Variants in REV3L observed in about 807,000 individuals in gnomAD.
The protein encoded by REV3L is DNA polymerase zeta catalytic subunit.
In REV3L, 69 loss-of-function variants were observed where a neutral mutation model predicts 299.4. The observed-to-expected ratio is 0.23, with a 90% confidence interval of 0.19 to 0.28. REV3L has a LOEUF of 0.28. Ranked by LOEUF, REV3L falls within the 10% of genes least tolerant of loss-of-function variation. The probability of loss-of-function intolerance (pLI) is 1.00; values close to 1 mark genes in which losing one functional copy is unlikely to be tolerated. For synonymous variants in REV3L, 1,238 were observed against 1,271.4 expected (o/e 0.97, Z 0.56); for missense variants, 3,128 against 3,693.8 (o/e 0.85, Z 3.97).
At chr6:111,307,303 A>G (rs772189972) in intron 31 of REV3L, 58 bp downstream of exon 31, 321 of 1,429,692 alleles carry the variant, frequency 2.2e-4, no homozygotes, top group Middle Eastern at 7.4e-4. Flanking sequence ...AAGAGTGACT[A>G]TATCTTCCTG....
At chr6:111,369,527 T>C (rs77549436) in intron 13 of REV3L, among the ~76,000 whole-genome samples, 2 of 151,892 alleles carry the variant, frequency 1.3e-5, no homozygotes, top group East Asian at 1.9e-4. Context: ...ATAATATCTA[T>C]AGTGGCAAAA....
chr6:111,311,216 A>G lies in REV3L; in HGVS notation c.8648T>C (p.Ile2883Thr), dbSNP rs1433823897. 1.4e-5 allele frequency: 23 copies of G among 1,612,286 alleles called. No individual in the cohort carries two copies. Among genetic ancestry groups the G allele is most frequent in the Non-Finnish European group, 1.8e-5 (21 of 1,179,282 alleles). Residue 2883 changes from isoleucine (I) to threonine (T), a missense_variant, in exon 29 of 32, where the codon ATA (isoleucine) becomes ACA (threonine). Ile to Thr is a moderately conservative substitution (Grantham distance 89). Around this residue, in one of 9 missense-constraint regions of REV3L, gnomAD observed 294 missense variants for 377.0 expected, o/e 0.78. Transcript: ENST00000368802. The part of the protein sequence containing the change: ...SLKLLFETRD[I>T]SLIKQYVQRQ... Reference sequence around the variant, plus strand: ...CTGAACATACTGTTTAATTAGACTTATATCTCTCGTTTCAAATAGCAGCTT... The same window carrying G: ...CTGAACATACTGTTTAATTAGACTTGTATCTCTCGTTTCAAATAGCAGCTT...
intron 2 of REV3L, among the ~76,000 whole-genome samples, chr6:111,415,407 C>T (rs562003090): frequency 2.0e-5 from 3 of 152,198 alleles, no homozygotes; most frequent in African/African-American, 4.8e-5. Context: ...GTAAGAGTAG[C>T]CTATGGAAAG....
intron 1 of REV3L, among the ~76,000 whole-genome samples, chr6:111,462,956 C>T (rs906144457): frequency 6.6e-6 from 1 of 151,776 alleles, no homozygotes. Context: ...CATTGCAATT[C>T]GGGGGCTAGT....
At position 111,344,138 on chromosome 6, in the gene REV3L, AG is replaced by A. The variant is rs1292626182; in HGVS notation, c.7420-96del. On this transcript the variant is annotated intron_variant, in intron 20 of 31. Transcript: ENST00000368802. ...ACCAATATCACTTTAAACTTTTCAT[AG>A]TAGATATTAAAGCTACTTGTAAAAC... 5.5e-6 allele frequency: 4 copies of A among 732,558 alleles called. No individual in the cohort carries two copies. The East Asian group carries it at 1.1e-4, about 20-fold the overall frequency. The allele number at this position is 732,558 out of a possible 1,614,324, so 45.4% of individuals were successfully genotyped here. A position where few individuals can be genotyped will look rare whatever the true frequency, so the allele number is the denominator to read the frequency against.
At chr6:111,382,877 G>A (rs1487060215) in intron 9 of REV3L, among the ~76,000 whole-genome samples, 1 of 152,266 alleles carries the variant, frequency 6.6e-6, no homozygotes, top group African/African-American at 2.4e-5. Flanking sequence ...AGGAAGGAGT[G>A]AAGAGAACTT....
chr6:111,469,778 C>T (rs1351511054), intron 1 of REV3L, among the ~76,000 whole-genome samples: 1 of 152,226 alleles, frequency 6.6e-6, no homozygotes, highest in African/African-American at 2.4e-5. Context: ...ACTGCAGCCA[C>T]ATCCGCAAGG....
chr6:111,412,386 T>G (rs1388335033), intron 2 of REV3L: 2 of 367,270 alleles, frequency 5.4e-6, no homozygotes, highest in African/African-American at 4.4e-5. Flanking sequence ...TCACATCATT[T>G]CAGGAGGATC....
At chr6:111,480,315 A>G (rs1386413860) in intron 1 of REV3L, among the ~76,000 whole-genome samples, 1 of 152,238 alleles carries the variant, frequency 6.6e-6, no homozygotes, top group African/African-American at 2.4e-5. Context: ...AACCATGTTT[A>G]TATCTTTGCA....
chr6:111,435,665 A>G (rs1464379425), intron 1 of REV3L, among the ~76,000 whole-genome samples: 1 of 152,248 alleles, frequency 6.6e-6, no homozygotes, highest in Non-Finnish European at 1.5e-5. Context: ...TACAAAAGTC[A>G]AAATGGATTG....
chr6:111,483,291 GGGGCTCGGCGGGAAAAGGAGCGAGA>G (rs1794004858), upstream of REV3L: 2 of 487,832 alleles, frequency 4.1e-6, no homozygotes, highest in Non-Finnish European at 7.2e-6. Context: ...TGCGGGGGAG[GGGGCTCGGCGGGAAAAGGAGCGAGA>G]GGGCGGGCGC....
At chr6:111,394,309 T>C (rs1208863490) in intron 4 of REV3L, among the ~76,000 whole-genome samples, 3 of 152,120 alleles carry the variant, frequency 2.0e-5, no homozygotes, top group African/African-American at 4.8e-5. Context: ...TTTGTTGGTG[T>C]CTTTTCCGTA....
chr6:111,450,348 G>A lies in REV3L; in HGVS notation c.139+32402C>T, dbSNP rs535898305. Among the ~76,000 whole-genome samples the A allele has an allele frequency of 2.6e-5, 4 of 151,900 alleles. No homozygotes were observed. In the South Asian group the frequency reaches 8.3e-4, roughly 32 times the overall value. On this transcript the variant is annotated intron_variant, in intron 1 of 31. Coordinates refer to ENST00000368802, the MANE Select transcript of REV3L (RefSeq NM_001372078.1). The stretch of plus-strand genomic sequence containing the variant: ...TAAAAAATTAGCCAGGCACGGTGAT[G>A]CGCACCTGTTGTTCCAGCTATTCAG...
intron 25 of REV3L, 136 bp downstream of exon 25, chr6:111,329,396 G>C: frequency 1.4e-6 from 1 of 715,784 alleles, no homozygotes; most frequent in South Asian, 1.6e-5. Flanking sequence ...ATGTTGTCCA[G>C]GCAGGATTCA....
intron 1 of REV3L, among the ~76,000 whole-genome samples, chr6:111,434,714 A>T (rs2128302204): frequency 6.6e-6 from 1 of 152,280 alleles, no homozygotes; most frequent in Non-Finnish European, 1.5e-5. Flanking sequence ...AACAGCAAAC[A>T]ATCTGAAAAA....
At chr6:111,419,529 T>C (rs959233887) in intron 1 of REV3L, among the ~76,000 whole-genome samples, 2 of 152,196 alleles carry the variant, frequency 1.3e-5, no homozygotes, top group African/African-American at 4.8e-5. Context: ...GTAAAGTCTT[T>C]AGAGATAAAC....
intron 13 of REV3L, among the ~76,000 whole-genome samples, chr6:111,370,794 C>T (rs1488737574): frequency 6.6e-6 from 1 of 152,102 alleles, no homozygotes; most frequent in East Asian, 1.9e-4. Context: ...CCCACACATA[C>T]ATGGCCTCCC....
At chr6:111,300,265 G>T in intron 31 of REV3L, 109 bp from the exon 32 acceptor site, 1 of 773,324 alleles carries the variant, frequency 1.3e-6, no homozygotes, top group Non-Finnish European at 1.9e-6. Flanking sequence ...ATTACTGGCA[G>T]ACATACATTA....
At chr6:111,450,445 C>T (rs1424326458) in intron 1 of REV3L, among the ~76,000 whole-genome samples, 1 of 139,774 alleles carries the variant, frequency 7.2e-6, no homozygotes, top group African/African-American at 2.7e-5. Flanking sequence ...TGCCATTGCA[C>T]TCCAGCCCGG....
Sources: allele counts gnomAD v4.1 joint callset (sites outside exome capture counted in the v4.1 genomes callset), GRCh38; gene constraint gnomAD v4.1.1; regional missense constraint gnomAD v4.1.1; transcripts MANE v1.5; gene names NCBI Gene and HGNC (gene_info 2026-07-23, HGNC 2026-07-21).